The following DICER1 variants were observed in gnomAD, a reference collection of about 807,000 sequenced individuals.
The protein encoded by DICER1 is dicer 1, ribonuclease III.
Under a neutral mutation model 194.1 loss-of-function variants are expected in DICER1, and 43 were observed. That is an observed-to-expected ratio of 0.22 (90% CI 0.17 to 0.29). The LOEUF (loss-of-function observed/expected upper bound fraction) is 0.29, where lower values mean the gene tolerates loss of function less well. DICER1 is among the 10% of genes least tolerant of loss of function. The probability of loss-of-function intolerance (pLI) is 1.00; values close to 1 mark genes in which losing one functional copy is unlikely to be tolerated. For synonymous variants in DICER1, 832 were observed against 820.5 expected (o/e 1.01, Z -0.24); for missense variants, 1,608 against 2,317.0 (o/e 0.69, Z 6.28).
At chr14:95,116,723 C>G (rs2140127723) in intron 9 of DICER1, 28 bp from the exon 10 acceptor site, 1 of 1,609,720 alleles carries the variant, frequency 6.2e-7, no homozygotes. Flanking sequence ...CCAAGAAAAG[C>G]ACTTCTAAGA....
intron 22 of DICER1, among the ~76,000 whole-genome samples, chr14:95,098,843 T>A (rs1890597571): frequency 6.6e-6 from 1 of 152,122 alleles, no homozygotes; most frequent in African/African-American, 2.4e-5. Context: ...ACTACATGAG[T>A]TAAAAACATC....
At chr14:95,102,154 G>T (rs1890941106) in intron 21 of DICER1, among the ~76,000 whole-genome samples, 1 of 152,128 alleles carries the variant, frequency 6.6e-6, no homozygotes, top group African/African-American at 2.4e-5. Context: ...GTAGTGCAGA[G>T]TAAGCACTTT....
At chr14:95,128,112 C>A (rs145647677) in intron 6 of DICER1, among the ~76,000 whole-genome samples, 1 of 152,074 alleles carries the variant, frequency 6.6e-6, no homozygotes, top group African/African-American at 2.4e-5. Context: ...GTCTTTTATG[C>A]CTTTCATAAA....
chr14:95,154,246 T>C (rs577777054), intron 1 of DICER1, among the ~76,000 whole-genome samples: 14 of 152,336 alleles, frequency 9.2e-5, no homozygotes, highest in African/African-American at 3.4e-4. Context: ...GAGTTGTTTG[T>C]AGGAAATTAT....
rs2139848600 is a variant in DICER1, at chr14:95,096,390, G to A, written c.4530C>T (p.Cys1510=). 1 of 1,614,198 alleles carries A rather than the reference G, an allele frequency of 6.2e-7. No homozygotes were observed. The highest frequency in any genetic ancestry group is 2.2e-5 in the East Asian group (1 of 44,890). Residue 1510 remains cysteine (C), a synonymous_variant, in exon 23 of 27, where the codon TGC becomes TGT. Coordinates refer to ENST00000343455, the MANE Select transcript of DICER1 (RefSeq NM_177438.3). ...DFDYSSWDAM[C]YLDPSKAVEE... is the part of the protein sequence containing the mutation. The stretch of plus-strand genomic sequence containing the variant: ...CAACAGCTTTGCTAGGATCCAGATA[G>A]CACATTGCATCCCAAGAGCTGTAGT...
intron 22 of DICER1, among the ~76,000 whole-genome samples, chr14:95,099,074 A>G (rs1890620391): frequency 6.6e-6 from 1 of 152,240 alleles, no homozygotes; most frequent in African/African-American, 2.4e-5. Flanking sequence ...ATAAATCTCC[A>G]AGAAATGAAA....
chr14:95,110,520 G>C (rs1334132695), intron 14 of DICER1, among the ~76,000 whole-genome samples: 1 of 152,108 alleles, frequency 6.6e-6, no homozygotes, highest in African/African-American at 2.4e-5. Flanking sequence ...GGCTGGGAAC[G>C]ATTTTTTTTT....
In DICER1 at chr14:95,126,689, C is replaced by T; in HGVS notation, c.794G>A (p.Gly265Glu). 6.2e-7 allele frequency: 1 copy of T among 1,607,114 alleles called. No individual in the cohort carries two copies. Among genetic ancestry groups the T allele is most frequent in the Non-Finnish European group, 8.5e-7 (1 of 1,174,028 alleles). The change falls in exon 7 of 27, where the codon GGG becomes GAG. Residue 265 changes from glycine to glutamate, a missense_variant. Transcript: ENST00000343455. ...TTCCATCAGCAGTCTTTCATAAAGCCCACTTCTGTCAGTAAATGGTCCACA... is the reference window on the plus strand; with the variant it reads ...TTCCATCAGCAGTCTTTCATAAAGCTCACTTCTGTCAGTAAATGGTCCACA... Reference protein sequence around the residue: ...VDCGPFTDRSGLYERLLMELE... With the variant: ...VDCGPFTDRSELYERLLMELE...
intron 1 of DICER1, among the ~76,000 whole-genome samples, chr14:95,155,499 G>T (rs934536034): frequency 6.6e-6 from 1 of 152,140 alleles, no homozygotes; most frequent in African/African-American, 2.4e-5. Context: ...CACATCAAAA[G>T]ACAATGTCTT....
chr14:95,142,219 AAGTGCTGT>A (rs1395943573), intron 1 of DICER1, among the ~76,000 whole-genome samples: 3 of 152,000 alleles, frequency 2.0e-5, no homozygotes, highest in African/African-American at 7.3e-5. Flanking sequence ...TGGCCTCCCA[AAGTGCTGT>A]AGTCCCAAAA....
At chr14:95,141,475 G>A (rs910950804) in intron 1 of DICER1, among the ~76,000 whole-genome samples, 4 of 152,176 alleles carry the variant, frequency 2.6e-5, no homozygotes, top group Non-Finnish European at 5.9e-5. Flanking sequence ...CTTGGTTTGC[G>A]CTCAGGTCTG....
chr14:95,132,597 T>C lies in DICER1; in HGVS notation c.225A>G (p.Val75=), dbSNP rs750568225. ...GATAGGACAGCTCTTTAGTGAGTAG[T>C]ACTGCAATAAATGTCTTCCCTGAGC... ...NTGSGKTFIA[V]LLTKELSYQI... Residue 75 remains valine, a synonymous_variant, in exon 3 of 27, where the codon GTA becomes GTG. Coordinates refer to ENST00000343455, the MANE Select transcript of DICER1 (RefSeq NM_177438.3). 18 of 1,613,600 alleles carry C rather than the reference T, an allele frequency of 1.1e-5. No homozygotes were observed. The highest frequency in any genetic ancestry group is 1.6e-4 in the Middle Eastern group (1 of 6,080).
chr14:95,109,356 TAAAG>T (rs2140044177), intron 14 of DICER1, among the ~76,000 whole-genome samples: 1 of 152,258 alleles, frequency 6.6e-6, no homozygotes, highest in African/African-American at 2.4e-5. Context: ...AATCAGAAAA[TAAAG>T]AATGTATCTA....
At chr14:95,151,345 A>G (rs914760602) in intron 1 of DICER1, among the ~76,000 whole-genome samples, 2 of 152,250 alleles carry the variant, frequency 1.3e-5, no homozygotes, top group African/African-American at 4.8e-5. Context: ...CATACATTTC[A>G]ATATTGATAA....
chr14:95,131,704 C>T, intron 3 of DICER1, 65 bp from the exon 4 acceptor site: 2 of 1,368,438 alleles, frequency 1.5e-6, no homozygotes, highest in Non-Finnish European at 2.1e-6. Context: ...CTCTGGACTA[C>T]TAATGATTAA....
chr14:95,090,366 T>C lies in DICER1; in HGVS notation c.*132A>G. 3.0e-6 allele frequency: 3 copies of C among 1,002,776 alleles called. No individual in the cohort carries two copies. Among genetic ancestry groups the C allele is most frequent in the Non-Finnish European group, 4.6e-6 (3 of 651,850 alleles). The allele number at this position is 1,002,776 out of a possible 1,614,324, so 62.1% of individuals were successfully genotyped here. ...TTTTATTCTGTTATCTATCCTGTTA[T>C]CAACCAAACTTTAAATTCTGCCTTC... On this transcript the variant is annotated 3_prime_UTR_variant, in exon 27 of 27. Coordinates refer to ENST00000343455, the MANE Select transcript of DICER1 (RefSeq NM_177438.3).
chr14:95,137,080 A>G (rs1320635577), intron 1 of DICER1, among the ~76,000 whole-genome samples: 11 of 151,952 alleles, frequency 7.2e-5, no homozygotes, highest in Admixed American at 7.2e-4. Context: ...AAAGGAAAAA[A>G]AGGAAAGAAG....
rs2140087886 is a variant in DICER1, at chr14:95,113,125, C to T, written c.2007G>A (p.Leu669=). The part of the protein sequence containing the change: ...PDGTFYSTLY[L]PINSPLRASI... ...AGGCTCGAAGAGGTGAGTTAATTGG[C>T]AGATAAAGAGTTGAATAAAATGTAC... The change falls in exon 12 of 27, where the codon CTG becomes CTA. Residue 669 remains leucine (L), a synonymous_variant. Coordinates refer to ENST00000343455, the MANE Select transcript of DICER1 (RefSeq NM_177438.3). 6.2e-7 allele frequency: 1 copy of T among 1,613,774 alleles called. No individual in the cohort carries two copies. The highest frequency in any genetic ancestry group is 8.5e-7 in the Non-Finnish European group (1 of 1,179,716).
rs1555367924 is a variant in DICER1 at position 95,096,705 on chromosome 14, G to C, written c.4215C>G (p.Asp1405Glu). ...CCAGTTTGCCATTCGCCAGCATGCA[G>C]TCTTTTGTCTGAAACGAGGGGGAAT... ...DKWEKDEMTKDCMLANGKLDE... is the reference protein window; with the variant it reads ...DKWEKDEMTKECMLANGKLDE... The change falls in exon 23 of 27, where the codon GAC becomes GAG. Residue 1405 changes from aspartate to glutamate, a missense_variant. By Grantham distance (45) the Asp-to-Glu change is conservative. This residue lies in a region of DICER1 where 164 missense variants were observed against 183.7 expected (regional missense o/e 0.89). Coordinates refer to ENST00000343455, the MANE Select transcript of DICER1 (RefSeq NM_177438.3). 6.2e-7 allele frequency: 1 copy of C among 1,607,460 alleles called. No homozygotes were observed. The highest frequency in any genetic ancestry group is 8.5e-7 in the Non-Finnish European group (1 of 1,176,428).
Sources: allele counts gnomAD v4.1 joint callset (sites outside exome capture counted in the v4.1 genomes callset), GRCh38; gene constraint gnomAD v4.1.1; regional missense constraint gnomAD v4.1.1; transcripts MANE v1.5; gene names NCBI Gene and HGNC (gene_info 2026-07-23, HGNC 2026-07-21).